Variants in CLEC2A observed in about 807,000 individuals in gnomAD.
The protein encoded by CLEC2A is keratinocyte-associated C-type lectin.
CLEC2A carries 19 observed loss-of-function variants against 18.6 expected under a neutral mutation model. The ratio of observed to expected loss-of-function variants is 1.02; its 90% confidence interval spans 0.71 to 1.50. CLEC2A has a LOEUF of 1.50. Among genes scored for constraint, CLEC2A ranks in the 40% most tolerant of loss-of-function variants. The probability of loss-of-function intolerance (pLI) is 0.00; values close to 1 mark genes in which losing one functional copy is unlikely to be tolerated. For synonymous variants in CLEC2A, 74 were observed against 64.0 expected (o/e 1.16, Z -0.75); for missense variants, 190 against 207.9 (o/e 0.91, Z 0.53).
intron 1 of CLEC2A, among the ~76,000 whole-genome samples, chr12:9,929,469 TATCTC>T (rs1863337609): frequency 6.6e-6 from 1 of 152,294 alleles, no homozygotes; most frequent in East Asian, 1.9e-4. Context: ...AACAGGGACT[TATCTC>T]AGATAGACAT....
At chr12:9,929,999 C>A (rs35618531) in intron 1 of CLEC2A, among the ~76,000 whole-genome samples, 11,352 of 151,882 alleles carry the variant, frequency 0.075, 487 homozygotes, top group African/African-American at 0.097. Context: ...TTTGCTAGGC[C>A]TGCCGTAACA....
At chr12:9,885,389 A>AT in the CLEC2A span, among the ~76,000 whole-genome samples, 13 of 151,768 alleles carry the variant, frequency 8.6e-5, 1 homozygote, top group Admixed American at 1.3e-4. Flanking sequence ...AGACTTCCAG[A>AT]CTTTTTTCTT....
At chr12:9,894,126 TTCTCTCTCTCTCTCTC>T (rs141327204), downstream of CLEC2A, among the ~76,000 whole-genome samples, 2 of 130,290 alleles carry the variant, frequency 1.5e-5, no homozygotes, top group East Asian at 2.2e-4. Context: ...TTTCTTTTCT[TTCTCTCTCTCTCTCTC>T]TCTCTCTCTC....
At chr12:9,914,573 A>G (rs144852093) in intron 4 of CLEC2A, among the ~76,000 whole-genome samples, 222 of 152,326 alleles carry the variant, frequency 1.5e-3, no homozygotes, top group African/African-American at 5.2e-3. Flanking sequence ...ATCTACAACC[A>G]TCTGAACTTT....
downstream of CLEC2A, chr12:9,895,847 C>T (rs112161396): frequency 1.7e-3 from 2,599 of 1,511,732 alleles, 44 homozygotes; most frequent in African/African-American, 0.033. Flanking sequence ...TACAACCAAA[C>T]ATAGAAATAC....
the CLEC2A span, among the ~76,000 whole-genome samples, chr12:9,887,541 G>T: frequency 1.3e-5 from 2 of 152,238 alleles, no homozygotes; most frequent in Admixed American, 1.3e-4. Context: ...CAGCAAAAAA[G>T]AATGTGGGAG....
intron 4 of CLEC2A, among the ~76,000 whole-genome samples, chr12:9,914,499 C>T (rs563131081): frequency 4.1e-4 from 63 of 152,300 alleles, no homozygotes; most frequent in Non-Finnish European, 8.4e-4. Flanking sequence ...CAGCATGGTA[C>T]TGGTACCAAA....
At chr12:9,880,950 C>G in the CLEC2A span, among the ~76,000 whole-genome samples, 1 of 152,144 alleles carries the variant, frequency 6.6e-6, no homozygotes. Flanking sequence ...ACAAAATAAA[C>G]TGCCACACCT....
intron 3 of CLEC2A, 124 bp downstream of exon 3, chr12:9,921,942 A>G (rs972649632): frequency 6.3e-6 from 5 of 797,608 alleles, no homozygotes; most frequent in African/African-American, 1.8e-5. Flanking sequence ...GTATAAGTGA[A>G]CCCACACAGT....
At chr12:9,896,765 A>C (rs1287533617), downstream of CLEC2A, among the ~76,000 whole-genome samples, 1 of 152,150 alleles carries the variant, frequency 6.6e-6, no homozygotes, top group Non-Finnish European at 1.5e-5. Flanking sequence ...TAAGGTACTA[A>C]ATGTATCCAT....
At chr12:9,888,630 T>C in the CLEC2A span, 1 of 622,632 alleles carries the variant, frequency 1.6e-6, no homozygotes, top group African/African-American at 1.8e-5. Flanking sequence ...CTCACAATTT[T>C]TATTAGTATG....
At chr12:9,932,163 T>G in intron 1 of CLEC2A, 112 bp downstream of exon 1, 1 of 769,756 alleles carries the variant, frequency 1.3e-6, no homozygotes, top group Admixed American at 2.3e-5. Flanking sequence ...TCCCCATCCC[T>G]CACTTACTTT....
chr12:9,896,371 T>C (rs1263069046), downstream of CLEC2A, among the ~76,000 whole-genome samples: 1 of 152,064 alleles, frequency 6.6e-6, no homozygotes, highest in Non-Finnish European at 1.5e-5. Context: ...CACTTTGTGA[T>C]ATATCCATGT....
chr12:9,898,653 A>G (rs1862784964), downstream of CLEC2A: 3 of 437,382 alleles, frequency 6.9e-6, no homozygotes, highest in East Asian at 3.1e-5. Context: ...CCACTATGTA[A>G]ATGAGGCAAT....
chr12:9,889,294 G>A, the CLEC2A span, among the ~76,000 whole-genome samples: 1 of 152,292 alleles, frequency 6.6e-6, no homozygotes, highest in African/African-American at 2.4e-5. Context: ...AATTTTCTGT[G>A]TCAACTTGGC....
chr12:9,881,747 T>G, the CLEC2A span: 1 of 981,320 alleles, frequency 1.0e-6, no homozygotes, highest in Non-Finnish European at 1.5e-6. Flanking sequence ...ATTTTTAACA[T>G]CTTAACATTG....
chr12:9,890,308 G>C, the CLEC2A span, among the ~76,000 whole-genome samples: 3,054 of 152,276 alleles, frequency 0.02, 51 homozygotes, highest in Middle Eastern at 0.044. Flanking sequence ...CACGAGTTGG[G>C]AGTCAGGGCA....
chr12:9,895,451 T>C (rs1862745959), downstream of CLEC2A, among the ~76,000 whole-genome samples: 1 of 151,898 alleles, frequency 6.6e-6, no homozygotes, highest in Admixed American at 6.6e-5. Context: ...TAATGAGAGG[T>C]TTGAGAGGTA....
intron 4 of CLEC2A, among the ~76,000 whole-genome samples, chr12:9,908,182 G>A (rs907047970): frequency 6.6e-6 from 1 of 152,182 alleles, no homozygotes; most frequent in Non-Finnish European, 1.5e-5. Flanking sequence ...AGCTTTATGT[G>A]TTTTGGAAGG....
Sources: allele counts gnomAD v4.1 joint callset (sites outside exome capture counted in the v4.1 genomes callset), GRCh38; gene constraint gnomAD v4.1.1; transcripts MANE v1.5; gene names NCBI Gene and HGNC (gene_info 2026-07-23, HGNC 2026-07-21).